NUFIP1: variants seen among roughly 807,000 people sequenced by gnomAD.
NUFIP1 encodes nuclear FMR1 interacting protein 1.
A neutral mutation model predicts 56.2 loss-of-function variants in NUFIP1; 38 were observed. The ratio of observed to expected loss-of-function variants is 0.68; its 90% CI spans 0.52 to 0.89. The LOEUF (loss-of-function observed/expected upper bound fraction) is 0.89, where lower values mean the gene tolerates loss of function less well. Among genes scored for constraint, NUFIP1 ranks in the 40% least tolerant of loss-of-function variants. The pLI, the probability that NUFIP1 is intolerant of heterozygous loss-of-function variation, is 0.00. For missense variants in NUFIP1, 567 were observed against 605.8 expected (o/e 0.94, Z 0.67); for synonymous variants, 215 against 212.4 (o/e 1.01, Z -0.10).
At chr13:44,973,956 C>T (rs1292547223) in intron 5 of NUFIP1, among the ~76,000 whole-genome samples, 1 of 152,090 alleles carries the variant, frequency 6.6e-6, no homozygotes, top group Non-Finnish European at 1.5e-5. Context: ...ACAAGTTAAG[C>T]CCACATTATA....
At chr13:44,987,133 T>A (rs1872425900) in intron 1 of NUFIP1, among the ~76,000 whole-genome samples, 1 of 152,158 alleles carries the variant, frequency 6.6e-6, no homozygotes, top group South Asian at 2.1e-4. Flanking sequence ...TCTCAGCACT[T>A]TTCGGAGGCC....
In NUFIP1 at chr13:44,970,943, T is replaced by A. The variant is rs370906972; in HGVS notation, c.735-5007A>T. 9.7e-4 allele frequency among the ~76,000 whole-genome samples: 147 copies of A among 152,326 alleles called. 1 individual carries two copies. In the South Asian group the frequency reaches 0.03, roughly 31 times the overall value. Reference sequence around the variant, plus strand: ...TGCCTGCCTTGGCCTCCCAAAGGGCTGGGATTACAGGTGTGAGCCACCACG... The same window carrying A: ...TGCCTGCCTTGGCCTCCCAAAGGGCAGGGATTACAGGTGTGAGCCACCACG... On this transcript the variant is annotated intron_variant, in intron 5 of 9. Coordinates refer to ENST00000379161, the MANE Select transcript of NUFIP1 (RefSeq NM_012345.3).
intron 1 of NUFIP1, among the ~76,000 whole-genome samples, chr13:44,984,874 A>G (rs549167320): frequency 1.3e-5 from 2 of 151,956 alleles, no homozygotes; most frequent in South Asian, 4.2e-4. Context: ...CCCACCCCAC[A>G]ACAGTCCCCA....
intron 5 of NUFIP1, among the ~76,000 whole-genome samples, chr13:44,968,406 GAA>G (rs11306471): frequency 9.3e-4 from 112 of 121,012 alleles, no homozygotes; most frequent in Non-Finnish European, 1.1e-3. Flanking sequence ...ACACTGAGAA[GAA>G]AAAAAAAAAA....
At chr13:44,961,521 A>G (rs115769877) in intron 6 of NUFIP1, among the ~76,000 whole-genome samples, 1,912 of 152,350 alleles carry the variant, frequency 0.013, 44 homozygotes, top group African/African-American at 0.044. Flanking sequence ...ACATGTTTAT[A>G]TATCTGCAAT....
intron 5 of NUFIP1, among the ~76,000 whole-genome samples, chr13:44,968,704 C>T (rs1461502392): frequency 6.6e-6 from 1 of 152,206 alleles, no homozygotes; most frequent in Non-Finnish European, 1.5e-5. Flanking sequence ...TTACTTATTA[C>T]TTAAGTTTCT....
At chr13:44,980,939 G>T in intron 2 of NUFIP1, 119 bp from the exon 3 acceptor site, 1 of 587,262 alleles carries the variant, frequency 1.7e-6, no homozygotes, top group Non-Finnish European at 2.9e-6. Context: ...CTTTCGTGTG[G>T]GAGAAGCTTG....
intron 7 of NUFIP1, 142 bp downstream of exon 7, chr13:44,959,236 GCTC>G: frequency 1.4e-6 from 1 of 715,468 alleles, no homozygotes; most frequent in Admixed American, 3.4e-5. Flanking sequence ...TAAACAAGAT[GCTC>G]CTATTAAAAA....
chr13:44,961,028 G>A (rs1347189382), intron 6 of NUFIP1, among the ~76,000 whole-genome samples: 2 of 149,418 alleles, frequency 1.3e-5, no homozygotes, highest in South Asian at 2.1e-4. Context: ...ACTCCAGCCC[G>A]GGCAAAGTAA....
rs140630713 is a variant in NUFIP1 at position 44,965,931 on chromosome 13, T to A, written c.740A>T (p.Tyr247Phe). The A allele has an allele frequency of 6.4e-7, 1 of 1,551,550 alleles. No individual in the cohort carries two copies. The highest frequency in any genetic ancestry group is 1.2e-5 in the South Asian group (1 of 81,436). Residue 247 changes from tyrosine to phenylalanine, a missense_variant, in exon 6 of 10, where the codon TAT becomes TTT. Physicochemically the swap from Tyr to Phe is conservative, Grantham distance 22. Transcript: ENST00000379161. ...CCTTTCAATATTGGCCAGAGTTGGA[T>A]AGTTTCTAGAAAATAATAAAAGTTA... is the stretch of plus-strand genomic sequence containing the variant. ...ARWREERRKN[Y>F]PTLANIERKK...
intron 7 of NUFIP1, among the ~76,000 whole-genome samples, chr13:44,955,794 T>A (rs1871213304): frequency 6.7e-6 from 1 of 149,580 alleles, no homozygotes; most frequent in South Asian, 2.1e-4. Context: ...GGGCCACACA[T>A]AAAATATACT....
intron 6 of NUFIP1, among the ~76,000 whole-genome samples, chr13:44,960,291 C>T (rs1033936420): frequency 2.0e-5 from 3 of 151,690 alleles, no homozygotes; most frequent in Non-Finnish European, 4.4e-5. Context: ...TATTTTGAGA[C>T]GGAGTCTCAC....
intron 1 of NUFIP1, among the ~76,000 whole-genome samples, chr13:44,985,661 A>G (rs1566066023): frequency 1.3e-5 from 2 of 152,178 alleles, no homozygotes; most frequent in African/African-American, 2.4e-5. Flanking sequence ...TTGAGACACC[A>G]TGAATCGTGG....
intron 1 of NUFIP1, among the ~76,000 whole-genome samples, chr13:44,984,683 T>G (rs915346889): frequency 6.6e-6 from 1 of 152,096 alleles, no homozygotes; most frequent in African/African-American, 2.4e-5. Flanking sequence ...CACTAATTGT[T>G]CAGATTCAGT....
intron 1 of NUFIP1, among the ~76,000 whole-genome samples, chr13:44,987,418 G>A (rs1301777485): frequency 6.6e-6 from 1 of 152,078 alleles, no homozygotes; most frequent in Non-Finnish European, 1.5e-5. Context: ...GATTATAGGT[G>A]TGAGCTACCC....
chr13:44,944,578 G>A (rs765752128), intron 8 of NUFIP1, among the ~76,000 whole-genome samples: 1 of 151,980 alleles, frequency 6.6e-6, no homozygotes, highest in Non-Finnish European at 1.5e-5. Context: ...TATCACTAAC[G>A]ATTAACTCAA....
In NUFIP1 at chr13:44,941,094, CAATTT is replaced by C; in HGVS notation, c.*107_*111del. The C allele has an allele frequency of 1.6e-6, 1 of 616,488 alleles. No homozygotes were observed. The highest frequency in any genetic ancestry group is 2.9e-6 in the Non-Finnish European group (1 of 344,526). The allele number at this position is 616,488 out of a possible 1,614,324, so 38.2% of individuals were successfully genotyped here. A position where few individuals can be genotyped will look rare whatever the true frequency, so the allele number is the denominator to read the frequency against. On this transcript the variant is annotated 3_prime_UTR_variant, in exon 10 of 10. Transcript: ENST00000379161. The stretch of plus-strand genomic sequence containing the variant: ...TCCAACATACATCCTACGAGGCTTA[CAATTT>C]AATTACAAATCCAATTTTGACGGAA...
At chr13:44,964,581 T>C (rs1006289210) in intron 6 of NUFIP1, among the ~76,000 whole-genome samples, 6 of 152,130 alleles carry the variant, frequency 3.9e-5, no homozygotes, top group Admixed American at 2.6e-4. Context: ...GCAAGACATC[T>C]AGAGCTTCAG....
rs1315205240 is a variant in NUFIP1, at chr13:44,959,137, A to G, written c.1021+244T>C. ...CTAAGATTACCTCATACTAATGAAA[A>G]TTATCCAGCAAATACAGTCCTTCTC... On this transcript the variant is annotated intron_variant, in intron 7 of 9. Transcript: ENST00000379161. Among the ~76,000 whole-genome samples, 14 of 152,320 alleles carry G rather than the reference A, an allele frequency of 9.2e-5. No homozygotes were observed. In the East Asian group the frequency reaches 1.5e-3, roughly 17 times the overall value.
Sources: gnomAD v4.1 joint callset for allele counts (sites outside exome capture counted in the v4.1 genomes callset) on GRCh38, gnomAD v4.1.1 for gene constraint, MANE v1.5 for transcripts, NCBI Gene and HGNC (gene_info 2026-07-23, HGNC 2026-07-21) for gene names.